The following C1orf146 variants were observed in gnomAD, a reference collection of about 807,000 sequenced individuals.
The protein encoded by C1orf146 is chromosome 1 open reading frame 146.
Under a neutral mutation model 23.0 loss-of-function variants are expected in C1orf146, and 22 were observed. The ratio of observed to expected loss-of-function variants is 0.96; its 90% CI spans 0.68 to 1.36. C1orf146 has a LOEUF of 1.36. Among genes scored for constraint, C1orf146 ranks in the 40% most tolerant of loss-of-function variants. C1orf146 has a pLI of 0.00. For synonymous variants in C1orf146, 59 were observed against 65.3 expected, an observed-to-expected ratio of 0.90 and a Z score of 0.47; for missense variants, 199 against 206.8, an observed-to-expected ratio of 0.96 and a Z score of 0.23.
intron 1 of C1orf146, among the ~76,000 whole-genome samples, chr1:92,218,782 G>A (rs927778935): frequency 6.6e-6 from 1 of 151,760 alleles, no homozygotes; most frequent in African/African-American, 2.4e-5. Context: ...GAAGCTTTTT[G>A]TTTTCAGGTG....
At chr1:92,232,199 G>A (rs770413549) in intron 2 of C1orf146, among the ~76,000 whole-genome samples, 11 of 151,904 alleles carry the variant, frequency 7.2e-5, no homozygotes, top group Non-Finnish European at 1.0e-4. Context: ...ATGCTGGTGC[G>A]CTGCACCCAC....
chr1:92,225,351 C>G (rs571269835), intron 1 of C1orf146, among the ~76,000 whole-genome samples: 1 of 152,238 alleles, frequency 6.6e-6, no homozygotes, highest in Non-Finnish European at 1.5e-5. Context: ...CAGCAGTACA[C>G]TGGCCTTGGC....
At chr1:92,245,178 C>T (rs1652563332) in intron 5 of C1orf146, among the ~76,000 whole-genome samples, 1 of 152,196 alleles carries the variant, frequency 6.6e-6, no homozygotes, top group Admixed American at 6.5e-5. Context: ...TGCAAGCATA[C>T]TACCTTATGG....
intron 1 of C1orf146, among the ~76,000 whole-genome samples, chr1:92,228,552 C>T (rs1652026255): frequency 1.3e-5 from 2 of 152,160 alleles, no homozygotes; most frequent in African/African-American, 4.8e-5. Context: ...CTGTGACTCT[C>T]CAGATTGTCT....
chr1:92,235,762 A>T (rs1225368994), intron 2 of C1orf146, among the ~76,000 whole-genome samples: 1 of 151,946 alleles, frequency 6.6e-6, no homozygotes, highest in Non-Finnish European at 1.5e-5. Context: ...TTTGTAGGTC[A>T]CTCAGGACTT....
rs777451626 is a variant in C1orf146, at chr1:92,245,617, TGTTTG to T, written c.488_492del (p.Val163GlufsTer10). On this transcript the variant is annotated frameshift_variant, in exon 6 of 6. Coordinates refer to ENST00000370375, the MANE Select transcript of C1orf146 (RefSeq NM_001012425.2). LOFTEE classifies it high-confidence loss of function. ...AAGCTTACATCATTGAGCAAAGTCC[TGTTTG>T]GAAAACACTTCAGAAGATAAAACTG... 1.2e-6 allele frequency: 2 copies of T among 1,601,350 alleles called. No homozygotes were observed. Among genetic ancestry groups the T allele is most frequent in the Admixed American group, 3.5e-5 (2 of 56,596 alleles).
intron 1 of C1orf146, among the ~76,000 whole-genome samples, chr1:92,224,983 T>G (rs1251153551): frequency 6.6e-6 from 1 of 152,146 alleles, no homozygotes; most frequent in African/African-American, 2.4e-5. Context: ...CCTCGTGATT[T>G]GCCCACCTCG....
At chr1:92,228,800 A>G (rs1652031988) in intron 1 of C1orf146, among the ~76,000 whole-genome samples, 1 of 152,210 alleles carries the variant, frequency 6.6e-6, no homozygotes, top group African/African-American at 2.4e-5. Flanking sequence ...AACAAATACC[A>G]AGGGGAACAG....
chr1:92,233,089 A>G (rs1001215619), intron 2 of C1orf146, among the ~76,000 whole-genome samples: 1 of 151,878 alleles, frequency 6.6e-6, no homozygotes, highest in Non-Finnish European at 1.5e-5. Context: ...AGTTTCTTTT[A>G]CTGTGCAGAA....
chr1:92,244,128 T>C, intron 3 of C1orf146, 89 bp from the exon 4 acceptor site: 2 of 645,950 alleles, frequency 3.1e-6, no homozygotes, highest in Non-Finnish European at 5.0e-6. Context: ...ACATGTGGTA[T>C]ACTTAGTTAT....
At chr1:92,245,166 A>G (rs1267480608) in intron 5 of C1orf146, among the ~76,000 whole-genome samples, 1 of 152,198 alleles carries the variant, frequency 6.6e-6, no homozygotes, top group Non-Finnish European at 1.5e-5. Context: ...AAACGGTCAG[A>G]GTGCAAGCAT....
intron 2 of C1orf146, among the ~76,000 whole-genome samples, chr1:92,235,306 T>G (rs1421734528): frequency 6.6e-6 from 1 of 152,200 alleles, no homozygotes; most frequent in Non-Finnish European, 1.5e-5. Flanking sequence ...TCTGGTATGT[T>G]GCGTCTTTGT....
intron 1 of C1orf146, among the ~76,000 whole-genome samples, chr1:92,228,713 C>T (rs1425708481): frequency 6.6e-6 from 1 of 152,166 alleles, no homozygotes; most frequent in Non-Finnish European, 1.5e-5. Context: ...CTTCCGCAAG[C>T]ATGTTCTTAC....
At position 92,232,083 on chromosome 1, in the gene C1orf146, G is replaced by C. The variant is rs377358468; in HGVS notation, c.66+597G>C. On this transcript the variant is annotated intron_variant, in intron 2 of 5. Coordinates refer to ENST00000370375, the MANE Select transcript of C1orf146 (RefSeq NM_001012425.2). ...TTTGCTGTATTTTGTTTTATACTTT[G>C]TTGTGAGTCCATTTTCATAAATTAT... Among the ~76,000 whole-genome samples, 127 of 152,052 alleles carry C rather than the reference G, an allele frequency of 8.4e-4. 1 individual carries two copies. In the South Asian group the frequency reaches 0.024, roughly 28 times the overall value.
intron 2 of C1orf146, among the ~76,000 whole-genome samples, chr1:92,234,146 T>C (rs1020669118): frequency 1.3e-5 from 2 of 152,168 alleles, no homozygotes; most frequent in African/African-American, 2.4e-5. Flanking sequence ...TCCAACACTA[T>C]GTTGAATAGG....
intron 2 of C1orf146, chr1:92,240,841 T>TATCA: frequency 2.3e-6 from 1 of 440,356 alleles, no homozygotes; most frequent in South Asian, 1.7e-5. Context: ...AATTTTAACC[T>TATCA]ATCAGGAAAA....
chr1:92,236,067 G>A (rs1570794607), intron 2 of C1orf146, among the ~76,000 whole-genome samples: 1 of 152,060 alleles, frequency 6.6e-6, no homozygotes, highest in East Asian at 1.9e-4. Context: ...TATCCAATTT[G>A]CCATTCTGTG....
chr1:92,243,437 C>G (rs1431512534), intron 3 of C1orf146, among the ~76,000 whole-genome samples: 1 of 151,204 alleles, frequency 6.6e-6, no homozygotes, highest in Non-Finnish European at 1.5e-5. Flanking sequence ...AGCTCCGCCT[C>G]CTGGGTTCAC....
intron 2 of C1orf146, among the ~76,000 whole-genome samples, chr1:92,232,505 A>G (rs1417969721): frequency 6.6e-6 from 1 of 151,870 alleles, no homozygotes; most frequent in Non-Finnish European, 1.5e-5. Context: ...AATCCAGTCT[A>G]TCATTGTTGG....
Sources: gnomAD v4.1 joint callset for allele counts (sites outside exome capture counted in the v4.1 genomes callset) on GRCh38, gnomAD v4.1.1 for gene constraint, MANE v1.5 for transcripts, NCBI Gene and HGNC (gene_info 2026-07-23, HGNC 2026-07-21) for gene names.